Variants in LGR4 observed in about 807,000 individuals in gnomAD.
LGR4 encodes leucine rich repeat containing G protein-coupled receptor 4, also known as leucine-rich repeat-containing G protein-coupled receptor 4.
A neutral mutation model predicts 84.8 loss-of-function variants in LGR4; 44 were observed. The ratio of observed to expected loss-of-function variants is 0.52; its 90% CI spans 0.41 to 0.67. The LOEUF (loss-of-function observed/expected upper bound fraction) is 0.67, where lower values mean the gene tolerates loss of function less well. LGR4 is among the 30% of genes least tolerant of loss of function. LGR4 has a pLI of 0.00. For synonymous variants in LGR4, 429 were observed against 434.3 expected (o/e 0.99, Z 0.15); for missense variants, 1,032 against 1,131.4 (o/e 0.91, Z 1.26).
chr11:27,369,090 CAGTA>C lies in LGR4; in HGVS notation c.1629_1632del (p.Thr544CysfsTer17), dbSNP rs1307633358. On this transcript the variant is annotated frameshift_variant, in exon 18 of 18. Transcript: ENST00000379214. LOFTEE classifies it low-confidence loss of function (END_TRUNC). ...AATGCAACCAAGAAAATGAACCACACAGTAAGACGAATCATCCAGCTTCCCAGTA... is the reference window on the plus strand; with the variant it reads ...AATGCAACCAAGAAAATGAACCACACAGACGAATCATCCAGCTTCCCAGTA... 1.2e-6 allele frequency: 2 copies of C among 1,612,870 alleles called. No homozygotes were observed. The highest frequency in any genetic ancestry group is 1.7e-6 in the Non-Finnish European group (2 of 1,179,698).
chr11:27,410,800 T>TG, intron 2 of LGR4, among the ~76,000 whole-genome samples: 1 of 152,230 alleles, frequency 6.6e-6, no homozygotes, highest in East Asian at 1.9e-4. Flanking sequence ...CTTGATTTCA[T>TG]GGGTTTCATT....
chr11:27,432,668 C>G lies in LGR4; in HGVS notation c.186-19808G>C, dbSNP rs116091520. On this transcript the variant is annotated intron_variant, in intron 1 of 17. Coordinates refer to ENST00000379214, the MANE Select transcript of LGR4 (RefSeq NM_018490.5). ...GTGTCTAAAGCAAAGCGCTGACAAG[C>G]CTAAGATCTTACAGAGGACCCCCCA... Among the ~76,000 whole-genome samples, 1,333 of 152,238 alleles carry G rather than the reference C, an allele frequency of 8.8e-3. 14 individuals are homozygous for G. Among genetic ancestry groups the G allele is most frequent in the African/African-American group, 0.029 (1,219 of 41,544 alleles).
chr11:27,410,029 T>C (rs911565600), intron 2 of LGR4, among the ~76,000 whole-genome samples: 1 of 152,170 alleles, frequency 6.6e-6, no homozygotes, highest in Non-Finnish European at 1.5e-5. Context: ...TCTAATATAG[T>C]AGCAACCACA....
chr11:27,467,977 T>C (rs1864811042), intron 1 of LGR4, among the ~76,000 whole-genome samples: 1 of 152,100 alleles, frequency 6.6e-6, no homozygotes, highest in Non-Finnish European at 1.5e-5. Flanking sequence ...AACTCTACCA[T>C]CAATAAATAC....
intron 1 of LGR4, among the ~76,000 whole-genome samples, chr11:27,421,416 T>C (rs1444814120): frequency 6.6e-6 from 1 of 152,148 alleles, no homozygotes; most frequent in African/African-American, 2.4e-5. Context: ...AGTTCAGCAA[T>C]TAAGAAAGAC....
chr11:27,384,185 G>T (rs532384652), intron 6 of LGR4, 151 bp downstream of exon 6: 7 of 592,298 alleles, frequency 1.2e-5, no homozygotes, highest in Admixed American at 3.2e-5. Context: ...TTCATAATTA[G>T]GTTATTTGAT....
At chr11:27,462,630 A>C (rs1405161943) in intron 1 of LGR4, among the ~76,000 whole-genome samples, 1 of 152,186 alleles carries the variant, frequency 6.6e-6, no homozygotes, top group Non-Finnish European at 1.5e-5. Context: ...ATTTTAATTC[A>C]CTGTTATAAC....
chr11:27,452,844 G>T (rs1864510009), intron 1 of LGR4, among the ~76,000 whole-genome samples: 1 of 147,166 alleles, frequency 6.8e-6, no homozygotes, highest in African/African-American at 2.5e-5. Flanking sequence ...TGTTGAACTT[G>T]GTTTTAATCA....
At chr11:27,423,428 C>T (rs1268484966) in intron 1 of LGR4, among the ~76,000 whole-genome samples, 4 of 152,224 alleles carry the variant, frequency 2.6e-5, no homozygotes, top group Non-Finnish European at 5.9e-5. Flanking sequence ...GCAGACTCCC[C>T]TCCCAAACAC....
At chr11:27,394,244 C>T (rs571191386) in intron 2 of LGR4, among the ~76,000 whole-genome samples, 1 of 152,226 alleles carries the variant, frequency 6.6e-6, no homozygotes, top group African/African-American at 2.4e-5. Flanking sequence ...GCCTTGTAGC[C>T]TTCACCTCCC....
chr11:27,374,315 A>T (rs1862937301), intron 13 of LGR4, among the ~76,000 whole-genome samples: 1 of 152,206 alleles, frequency 6.6e-6, no homozygotes, highest in Non-Finnish European at 1.5e-5. Context: ...TATCATTCTG[A>T]TACCAATTCA....
chr11:27,404,806 T>C (rs948296304), intron 2 of LGR4, among the ~76,000 whole-genome samples: 5 of 152,084 alleles, frequency 3.3e-5, no homozygotes, highest in Non-Finnish European at 7.3e-5. Flanking sequence ...CCCCACTCTA[T>C]GGAGACAGGC....
intron 1 of LGR4, among the ~76,000 whole-genome samples, chr11:27,461,105 C>G (rs1864672203): frequency 6.6e-6 from 1 of 151,598 alleles, no homozygotes; most frequent in Non-Finnish European, 1.5e-5. Context: ...GTCATATAAA[C>G]TTTTTAAAAT....
At chr11:27,429,007 T>C (rs902873185) in intron 1 of LGR4, among the ~76,000 whole-genome samples, 29 of 152,104 alleles carry the variant, frequency 1.9e-4, no homozygotes, top group Non-Finnish European at 1.0e-4. Flanking sequence ...TGTGATGTTA[T>C]CCAGCAGGGA....
At chr11:27,380,407 T>G in intron 9 of LGR4, 68 bp from the exon 10 acceptor site, 1 of 1,169,700 alleles carries the variant, frequency 8.5e-7, no homozygotes, top group Admixed American at 2.0e-5. Flanking sequence ...TTAAACAGTT[T>G]AAAATTACAG....
intron 1 of LGR4, among the ~76,000 whole-genome samples, chr11:27,452,328 G>C (rs997809152): frequency 6.6e-6 from 1 of 152,086 alleles, no homozygotes; most frequent in Non-Finnish European, 1.5e-5. Flanking sequence ...CCTTCACCCA[G>C]CTTTTCCCAA....
chr11:27,401,671 A>G (rs1211433995), intron 2 of LGR4, among the ~76,000 whole-genome samples: 1 of 152,194 alleles, frequency 6.6e-6, no homozygotes, highest in Non-Finnish European at 1.5e-5. Context: ...TTAATCACAA[A>G]CTTCAACAGA....
intron 15 of LGR4, 68 bp from the exon 16 acceptor site, chr11:27,372,466 G>A: frequency 1.0e-6 from 1 of 966,462 alleles, no homozygotes; most frequent in African/African-American, 1.6e-5. Flanking sequence ...TTTTGTAAAA[G>A]TATTTTAAAC....
chr11:27,449,808 A>G, intron 1 of LGR4, among the ~76,000 whole-genome samples: 1 of 152,206 alleles, frequency 6.6e-6, no homozygotes, highest in East Asian at 1.9e-4. Context: ...ACTCCAGAAA[A>G]TATAACAGGA....
Sources: allele counts gnomAD v4.1 joint callset (sites outside exome capture counted in the v4.1 genomes callset), GRCh38; gene constraint gnomAD v4.1.1; transcripts MANE v1.5; gene names NCBI Gene and HGNC (gene_info 2026-07-23, HGNC 2026-07-21).